The following CENPF variants were observed in gnomAD, a reference collection of about 807,000 sequenced individuals.
CENPF encodes AH antigen.
In CENPF, 214 loss-of-function variants were observed where a neutral mutation model predicts 307.3. The ratio of observed to expected loss-of-function variants is 0.70; its 90% confidence interval spans 0.62 to 0.78. The LOEUF (loss-of-function observed/expected upper bound fraction) is 0.78, where lower values mean the gene tolerates loss of function less well. Among genes scored for constraint, CENPF ranks in the 30% least tolerant of loss-of-function variants. The probability of loss-of-function intolerance (pLI) is 0.00; values close to 1 mark genes in which losing one functional copy is unlikely to be tolerated. For synonymous variants in CENPF, 1,259 were observed against 1,270.6 expected (o/e 0.99, Z 0.19); for missense variants, 3,401 against 3,483.9 (o/e 0.98, Z 0.60).
At chr1:214,628,187 G>T (rs1359102974) in intron 7 of CENPF, among the ~76,000 whole-genome samples, 1 of 152,096 alleles carries the variant, frequency 6.6e-6, no homozygotes, top group African/African-American at 2.4e-5. Flanking sequence ...TATGAATTAG[G>T]TATCACTGAT....
intron 7 of CENPF, among the ~76,000 whole-genome samples, chr1:214,623,182 G>T (rs1657563338): frequency 6.6e-6 from 1 of 152,220 alleles, no homozygotes; most frequent in African/African-American, 2.4e-5. Context: ...CTGCACTCCA[G>T]CTTGGGTGAC....
chr1:214,631,866 A>T (rs933128978), intron 9 of CENPF, among the ~76,000 whole-genome samples: 3 of 152,102 alleles, frequency 2.0e-5, no homozygotes, highest in Admixed American at 6.5e-5. Context: ...TTACTCTCCT[A>T]CCAGGTACAA....
chr1:214,615,124 C>A, intron 3 of CENPF, 96 bp downstream of exon 3: 1 of 828,196 alleles, frequency 1.2e-6, no homozygotes, highest in Non-Finnish European at 1.8e-6. Flanking sequence ...TTATACTTTG[C>A]AATTTTTTTT....
chr1:214,611,778 C>T (rs539682733), intron 1 of CENPF, among the ~76,000 whole-genome samples: 1 of 152,320 alleles, frequency 6.6e-6, no homozygotes, highest in African/African-American at 2.4e-5. Flanking sequence ...TGGATCTTGG[C>T]TTGGCTGTTG....
chr1:214,636,770 C>T (rs188643917), intron 10 of CENPF, among the ~76,000 whole-genome samples: 129 of 152,188 alleles, frequency 8.5e-4, no homozygotes, highest in African/African-American at 3.0e-3. Flanking sequence ...TCCTCTACTT[C>T]ACAAAGGGGT....
rs368661421 is a variant in CENPF, at chr1:214,646,013, A to G, written c.6443A>G (p.Glu2148Gly). ...GAGAAACTGAAAGAACGCGAGCGGG[A>G]GAATGATTCACTTAAGGATAAAGTT... ...IAEKLKERER[E>G]NDSLKDKVEN... Residue 2148 changes from glutamate to glycine, a missense_variant, in exon 13 of 20, where the codon GAG becomes GGG. Glu to Gly is a moderately conservative substitution (Grantham distance 98). Coordinates refer to ENST00000366955, the MANE Select transcript of CENPF (RefSeq NM_016343.4). The G allele has an allele frequency of 6.2e-7, 1 of 1,614,014 alleles. No individual in the cohort carries two copies. The highest frequency in any genetic ancestry group is 1.3e-5 in the African/African-American group (1 of 74,940).
intron 10 of CENPF, among the ~76,000 whole-genome samples, chr1:214,634,469 T>C (rs1430649944): frequency 6.6e-6 from 1 of 152,202 alleles, no homozygotes; most frequent in Non-Finnish European, 1.5e-5. Context: ...CAATGTGACC[T>C]TTAGACAGTG....
At chr1:214,656,900 G>T in intron 17 of CENPF, 33 bp from the exon 18 acceptor site, 1 of 1,386,804 alleles carries the variant, frequency 7.2e-7, no homozygotes, top group Non-Finnish European at 9.9e-7. Context: ...GAAGCATCAA[G>T]TTGCACATGA....
At position 214,663,719 on chromosome 1, in the gene CENPF, C is replaced by T. The variant is rs533012183; in HGVS notation, c.9270C>T (p.Val3090=). The T allele has an allele frequency of 6.2e-7, 1 of 1,614,088 alleles. No homozygotes were observed. Among genetic ancestry groups the T allele is most frequent in the Non-Finnish European group, 8.5e-7 (1 of 1,180,028 alleles). ...PTDSPREGLR[V]KRGRLVPSPK... is the part of the protein sequence containing the mutation. ...ACAGCCCCAGAGAGGGCCTGAGGGT[C>T]AAGCGAGGCCGACTTGTCCCCAGCC... The change falls in exon 20 of 20, where the codon GTC becomes GTT. Residue 3090 remains valine, a synonymous_variant. Transcript: ENST00000366955.
Position 214,646,577 on chromosome 1 carries a change from G to A in CENPF, c.7007G>A (p.Gly2336Asp), listed in dbSNP as rs368991604. The change falls in exon 13 of 20, where the codon GGT becomes GAT. Residue 2336 changes from glycine (G) to aspartate (D), a missense_variant. Coordinates refer to ENST00000366955, the MANE Select transcript of CENPF (RefSeq NM_016343.4). Reference protein sequence around the residue: ...ESEHHADLLKGRVENLERELE... With the variant: ...ESEHHADLLKDRVENLERELE... Reference sequence around the variant, plus strand: ...GAGCATCATGCAGATTTACTTAAGGGTAGAGTGGAGAACCTTGAAAGAGAG... The same window carrying A: ...GAGCATCATGCAGATTTACTTAAGGATAGAGTGGAGAACCTTGAAAGAGAG... 6.8e-6 allele frequency: 11 copies of A among 1,613,954 alleles called. No individual in the cohort carries two copies. The African/African-American group carries it at 9.3e-5, about 14-fold the overall frequency.
chr1:214,605,465 A>T (rs1309624879), intron 1 of CENPF: 7 of 530,728 alleles, frequency 1.3e-5, no homozygotes, highest in Non-Finnish European at 2.3e-5. Context: ...TTAAATTTTA[A>T]ATCTTTAATT....
chr1:214,635,543 C>G (rs1439260876), intron 10 of CENPF, among the ~76,000 whole-genome samples: 1 of 152,194 alleles, frequency 6.6e-6, no homozygotes, highest in Non-Finnish European at 1.5e-5. Flanking sequence ...GATACCCAAT[C>G]AAGTCTTAAG....
chr1:214,643,308 G>A lies in CENPF; in HGVS notation c.4970G>A (p.Gly1657Asp), dbSNP rs745322895. The change falls in exon 12 of 20, where the codon GGC becomes GAC. Residue 1657 changes from glycine to aspartate, a missense_variant. By Grantham distance (94) the Gly-to-Asp change is moderately conservative (BLOSUM62 -1). Coordinates refer to ENST00000366955, the MANE Select transcript of CENPF (RefSeq NM_016343.4). ...GLDLSSRSLL[G>D]IDTEDAIQGR... ...GACTTAAGTTCTCGGTCTTTGCTTG[G>A]CATCGACACAGAAGATGTAAGTACC... The A allele has an allele frequency of 4.7e-6, 7 of 1,502,022 alleles. No individual in the cohort carries two copies. Among genetic ancestry groups the A allele is most frequent in the Non-Finnish European group, 5.3e-6 (6 of 1,128,820 alleles). The allele number at this position is 1,502,022 out of a possible 1,614,324, so 93.0% of individuals were successfully genotyped here. A position where few individuals can be genotyped will look rare whatever the true frequency, so the allele number is the denominator to read the frequency against.
Position 214,641,233 on chromosome 1 carries a change from T to C in CENPF, c.2895T>C (p.Asn965=). Residue 965 remains asparagine (N), a synonymous_variant, in exon 12 of 20, where the codon AAT becomes AAC. Coordinates refer to ENST00000366955, the MANE Select transcript of CENPF (RefSeq NM_016343.4). Reference sequence around the variant, plus strand: ...AAATGAGTTCCATCATTTCTCTAAATAAAAGGGAAATTGAAGAGCTGACCC... The same window carrying C: ...AAATGAGTTCCATCATTTCTCTAAACAAAAGGGAAATTGAAGAGCTGACCC... ...KKEMSSIISL[N]KREIEELTQE... The C allele has an allele frequency of 1.2e-6, 2 of 1,603,062 alleles. No individual in the cohort carries two copies. The highest frequency in any genetic ancestry group is 8.5e-7 in the Non-Finnish European group (1 of 1,177,110).
In CENPF at chr1:214,642,607, T is replaced by A. The variant is rs1442922592; in HGVS notation, c.4269T>A (p.Asp1423Glu). 6.2e-7 allele frequency: 1 copy of A among 1,612,362 alleles called. No individual in the cohort carries two copies. The highest frequency in any genetic ancestry group is 1.7e-5 in the Admixed American group (1 of 59,838). Reference protein sequence around the residue: ...SLQSEHKILHDQHCQMSSKMS... With the variant: ...SLQSEHKILHEQHCQMSSKMS... Reference sequence around the variant, plus strand: ...AAAGTGAACACAAAATTTTACATGATCAGCACTGTCAGATGAGCTCTAAAA... The same window carrying A: ...AAAGTGAACACAAAATTTTACATGAACAGCACTGTCAGATGAGCTCTAAAA... Residue 1423 changes from aspartate (D) to glutamate (E), a missense_variant, in exon 12 of 20, where the codon GAT becomes GAA. By Grantham distance (45) the Asp-to-Glu change is conservative. Coordinates refer to ENST00000366955, the MANE Select transcript of CENPF (RefSeq NM_016343.4).
At chr1:214,605,685 T>C (rs1657006207) in intron 1 of CENPF, 2 of 1,588,698 alleles carry the variant, frequency 1.3e-6, no homozygotes, top group Non-Finnish European at 1.7e-6. Context: ...CTAGGCGAGC[T>C]GGCTGGCAGC....
intron 1 of CENPF, among the ~76,000 whole-genome samples, chr1:214,610,481 T>TA (rs1657168489): frequency 8.6e-6 from 1 of 116,120 alleles, no homozygotes; most frequent in African/African-American, 4.2e-5. Context: ...CCACATGTAT[T>TA]TTTTTTTTTT....
At chr1:214,622,326 A>G (rs779970080) in intron 7 of CENPF, 45 bp downstream of exon 7, 7 of 1,429,674 alleles carry the variant, frequency 4.9e-6, no homozygotes, top group Non-Finnish European at 6.8e-6. Context: ...TCATCTTTTC[A>G]TACAATTATT....
In CENPF at chr1:214,620,772, A is replaced by G; in HGVS notation, c.691A>G (p.Asn231Asp). 4 of 1,614,140 alleles carry G rather than the reference A, an allele frequency of 2.5e-6. No homozygotes were observed. The highest frequency in any genetic ancestry group is 2.2e-5 in the South Asian group (2 of 91,080). The part of the protein sequence containing the change: ...QEKTPSHLSS[N>D]SQRTPIRRDF... ...GAAGACCCCAAGTCATCTTTCATCT[A>G]ATTCTCAAAGAACTCCAATTAGGAG... Residue 231 changes from asparagine (N) to aspartate (D), a missense_variant, in exon 6 of 20, where the codon AAT becomes GAT. By Grantham distance (23) the Asn-to-Asp change is conservative. Transcript: ENST00000366955.
Sources: gnomAD v4.1 joint callset for allele counts (sites outside exome capture counted in the v4.1 genomes callset) on GRCh38, gnomAD v4.1.1 for gene constraint, MANE v1.5 for transcripts, NCBI Gene and HGNC (gene_info 2026-07-23, HGNC 2026-07-21) for gene names.